The following ARHGAP10 variants were observed in gnomAD, a reference collection of about 807,000 sequenced individuals.
ARHGAP10 encodes rho GTPase-activating protein 10.
A neutral mutation model predicts 108.6 loss-of-function variants in ARHGAP10; 87 were observed. The ratio of observed to expected loss-of-function variants is 0.80; its 90% CI spans 0.67 to 0.96. The LOEUF (loss-of-function observed/expected upper bound fraction) is 0.96, where lower values mean the gene tolerates loss of function less well. ARHGAP10 is among the 40% of genes least tolerant of loss of function. The probability of loss-of-function intolerance (pLI) is 0.00; values close to 1 mark genes in which losing one functional copy is unlikely to be tolerated. For missense variants in ARHGAP10, 939 were observed against 954.5 expected (o/e 0.98, Z 0.21); for synonymous variants, 347 against 341.1 (o/e 1.02, Z -0.19).
At chr4:147,862,721 C>T (rs1734378613) in intron 5 of ARHGAP10, 1 of 152,176 alleles carries the variant, frequency 6.6e-6, no homozygotes, top group Non-Finnish European at 1.5e-5. Flanking sequence ...CAAGAACAAC[C>T]AGGAGAGAGA....
At chr4:147,918,804 A>T (rs950670829) in intron 13 of ARHGAP10, among the ~76,000 whole-genome samples, 3 of 152,226 alleles carry the variant, frequency 2.0e-5, no homozygotes, top group African/African-American at 7.2e-5. Flanking sequence ...CTGAGAATCT[A>T]GTTCTGTCTG....
intron 1 of ARHGAP10, among the ~76,000 whole-genome samples, chr4:147,752,375 C>T (rs1024753478): frequency 1.1e-4 from 16 of 152,042 alleles, no homozygotes; most frequent in Admixed American, 5.2e-4. Context: ...GAAAGGAAGT[C>T]ATTTTCATAT....
chr4:147,789,700 T>C (rs937053856), intron 1 of ARHGAP10, among the ~76,000 whole-genome samples: 1 of 152,264 alleles, frequency 6.6e-6, no homozygotes, highest in African/African-American at 2.4e-5. Context: ...AAATGGAGAC[T>C]AACTGGCCTG....
intron 1 of ARHGAP10, among the ~76,000 whole-genome samples, chr4:147,818,383 T>C (rs1732345241): frequency 1.3e-5 from 2 of 151,850 alleles, no homozygotes; most frequent in Non-Finnish European, 2.9e-5. Context: ...CTGACCAACA[T>C]GGAGAAACCC....
intron 1 of ARHGAP10, among the ~76,000 whole-genome samples, chr4:147,818,482 C>T (rs1360617213): frequency 6.7e-6 from 1 of 149,812 alleles, no homozygotes; most frequent in African/African-American, 2.5e-5. Context: ...AGGAGAATTG[C>T]TTGAATCCGG....
chr4:148,043,764 G>GTGTATATATATGTATATATATA (rs1254620715), intron 19 of ARHGAP10, among the ~76,000 whole-genome samples: 5 of 140,414 alleles, frequency 3.6e-5, no homozygotes, highest in South Asian at 4.4e-4. Flanking sequence ...GTATATATAT[G>GTGTATATATATGTATATATATA]TGTATATATA....
At chr4:147,785,029 A>AAT (rs1336585526) in intron 1 of ARHGAP10, among the ~76,000 whole-genome samples, 8 of 138,558 alleles carry the variant, frequency 5.8e-5, no homozygotes, top group Admixed American at 4.0e-4. Flanking sequence ...AAATATATGT[A>AAT]ATATATATAT....
chr4:147,880,561 G>C (rs1442320484), intron 9 of ARHGAP10, among the ~76,000 whole-genome samples: 1 of 152,172 alleles, frequency 6.6e-6, no homozygotes, highest in Non-Finnish European at 1.5e-5. Context: ...GAATATAACT[G>C]TGAGATTTTG....
At position 147,989,808 on chromosome 4, in the gene ARHGAP10, G is replaced by A. The variant is rs144376278; in HGVS notation, c.1716+22969G>A. Among the ~76,000 whole-genome samples the A allele has an allele frequency of 3.7e-3, 566 of 152,218 alleles. 4 individuals are homozygous for A. Among genetic ancestry groups the A allele is most frequent in the African/African-American group, 0.012 (505 of 41,520 alleles). Reference sequence around the variant, plus strand: ...CCTGAGATGATATACATCCTTCTCGGCTGACAGGATTAAGACATTAAAGCA... The same window carrying A: ...CCTGAGATGATATACATCCTTCTCGACTGACAGGATTAAGACATTAAAGCA... On this transcript the variant is annotated intron_variant, in intron 18 of 22. Transcript: ENST00000336498.
In ARHGAP10 at chr4:147,866,820, A is replaced by C; in HGVS notation, c.702+4A>C. The C allele has an allele frequency of 1.3e-6, 2 of 1,577,926 alleles. No individual in the cohort carries two copies. Among genetic ancestry groups the C allele is most frequent in the Non-Finnish European group, 1.7e-6 (2 of 1,153,224 alleles). The stretch of plus-strand genomic sequence containing the variant: ...ACTACAGATCAACATTCAGAATGTA[A>C]GGAAGTGAAAGCTTTCTTTATAAAA... On this transcript the variant is annotated splice_donor_region_variant and intron_variant, in intron 7 of 22. Coordinates refer to ENST00000336498, the MANE Select transcript of ARHGAP10 (RefSeq NM_024605.4).
At chr4:148,036,711 A>G (rs1024818299) in intron 19 of ARHGAP10, among the ~76,000 whole-genome samples, 1 of 152,218 alleles carries the variant, frequency 6.6e-6, no homozygotes, top group Non-Finnish European at 1.5e-5. Context: ...GGACTGATAC[A>G]AGTTGACTAG....
chr4:148,025,985 G>A (rs1010811499), intron 19 of ARHGAP10, among the ~76,000 whole-genome samples: 4 of 152,042 alleles, frequency 2.6e-5, no homozygotes, highest in Admixed American at 6.5e-5. Context: ...CCCCCGCCCC[G>A]TGACTCATTG....
At chr4:147,732,529 G>T (rs1032021586) in intron 1 of ARHGAP10, 74 bp downstream of exon 1, 5 of 1,580,604 alleles carry the variant, frequency 3.2e-6, no homozygotes, top group Non-Finnish European at 4.3e-6. Flanking sequence ...GGCAGGAGAC[G>T]GAGGGTCTTG....
chr4:147,894,814 T>C (rs1018628555), intron 10 of ARHGAP10, among the ~76,000 whole-genome samples: 67 of 152,304 alleles, frequency 4.4e-4, no homozygotes, highest in African/African-American at 1.5e-3. Context: ...TTTGGCACCT[T>C]CTAAAAAATC....
intron 13 of ARHGAP10, among the ~76,000 whole-genome samples, chr4:147,933,090 G>A (rs1271473089): frequency 6.6e-6 from 1 of 152,116 alleles, no homozygotes; most frequent in African/African-American, 2.4e-5. Context: ...CTTGAAGTTT[G>A]TTGAGAAGGA....
chr4:148,048,416 T>G (rs1728981109), intron 20 of ARHGAP10, among the ~76,000 whole-genome samples: 1 of 152,178 alleles, frequency 6.6e-6, no homozygotes, highest in African/African-American at 2.4e-5. Context: ...CAGATGAGAT[T>G]TTTCCTGCCA....
At chr4:147,855,830 A>C (rs971895316) in intron 4 of ARHGAP10, among the ~76,000 whole-genome samples, 1 of 152,078 alleles carries the variant, frequency 6.6e-6, no homozygotes, top group Non-Finnish European at 1.5e-5. Flanking sequence ...CTGACAGGGG[A>C]CATACTGTCC....
chr4:147,750,539 G>T (rs958773673), intron 1 of ARHGAP10, among the ~76,000 whole-genome samples: 2 of 151,812 alleles, frequency 1.3e-5, no homozygotes, highest in Admixed American at 1.3e-4. Context: ...TATTTGTTTT[G>T]TGTGCATTAA....
At chr4:147,849,869 C>A (rs1207366723) in intron 4 of ARHGAP10, among the ~76,000 whole-genome samples, 1 of 152,206 alleles carries the variant, frequency 6.6e-6, no homozygotes. Context: ...GGTTCTGCTG[C>A]ATTTTCTTAT....
Sources: gnomAD v4.1 joint callset for allele counts (sites outside exome capture counted in the v4.1 genomes callset) on GRCh38, gnomAD v4.1.1 for gene constraint, MANE v1.5 for transcripts, NCBI Gene and HGNC (gene_info 2026-07-23, HGNC 2026-07-21) for gene names.